The following ASIC2 variants were observed in gnomAD, a reference collection of about 807,000 sequenced individuals.
ASIC2 encodes acid-sensing ion channel 2.
Under a neutral mutation model 57.3 loss-of-function variants are expected in ASIC2, and 25 were observed. The observed-to-expected ratio is 0.44, with a 90% CI of 0.32 to 0.61. The LOEUF is 0.61. Ranked by LOEUF, ASIC2 falls within the 20% of genes least tolerant of loss-of-function variation. The probability of loss-of-function intolerance (pLI) is 0.06; values close to 1 mark genes in which losing one functional copy is unlikely to be tolerated. For synonymous variants in ASIC2, 319 were observed against 307.5 expected, an observed-to-expected ratio of 1.04 and a Z score of -0.39; for missense variants, 641 against 738.1, an observed-to-expected ratio of 0.87 and a Z score of 1.52.
intron 1 of ASIC2, among the ~76,000 whole-genome samples, chr17:33,282,224 C>T (rs1448412379): frequency 6.6e-6 from 1 of 152,140 alleles, no homozygotes; most frequent in Non-Finnish European, 1.5e-5. Flanking sequence ...AAACAACATA[C>T]ATTTATTACC....
At chr17:33,983,316 C>A (rs1389045794) in intron 1 of ASIC2, among the ~76,000 whole-genome samples, 1 of 152,140 alleles carries the variant, frequency 6.6e-6, no homozygotes, top group Non-Finnish European at 1.5e-5. Context: ...TATGTCTTGG[C>A]AAGCAGTGTC....
chr17:33,361,212 A>T (rs746266983), intron 1 of ASIC2, among the ~76,000 whole-genome samples: 16 of 152,242 alleles, frequency 1.1e-4, no homozygotes, highest in Non-Finnish European at 1.5e-4. Context: ...TCCCATTAAG[A>T]TGAACCATGA....
chr17:33,120,161 A>C (rs187565694), intron 1 of ASIC2, among the ~76,000 whole-genome samples: 1 of 152,208 alleles, frequency 6.6e-6, no homozygotes, highest in South Asian at 2.1e-4. Flanking sequence ...ATTTGAATGT[A>C]TGATATGGTA....
At chr17:33,930,975 G>A (rs1365218554) in intron 1 of ASIC2, among the ~76,000 whole-genome samples, 1 of 152,180 alleles carries the variant, frequency 6.6e-6, no homozygotes, top group Non-Finnish European at 1.5e-5. Context: ...CTGGAGTGCA[G>A]TGGCACGATC....
Position 33,953,489 on chromosome 17 carries a change from T to C in ASIC2, c.555+202489A>G, listed in dbSNP as rs149058855. 1.1e-4 allele frequency among the ~76,000 whole-genome samples: 17 copies of C among 152,254 alleles called. 1 individual carries two copies. In the East Asian group the frequency reaches 3.3e-3, roughly 29 times the overall value. On this transcript the variant is annotated intron_variant, in intron 1 of 9. Coordinates refer to the ASIC2 transcript ENST00000359872. ...GTAATATTTTCAGTAAAGTATTGAATATACATATCACAATAGACCAGATTC... is the reference window on the plus strand; with the variant it reads ...GTAATATTTTCAGTAAAGTATTGAACATACATATCACAATAGACCAGATTC...
chr17:33,328,580 C>T (rs1907173561), intron 1 of ASIC2, among the ~76,000 whole-genome samples: 1 of 152,138 alleles, frequency 6.6e-6, no homozygotes, highest in Non-Finnish European at 1.5e-5. Flanking sequence ...GAGACACAAC[C>T]TCTTCAGGGG....
intron 1 of ASIC2, among the ~76,000 whole-genome samples, chr17:33,174,006 G>A (rs2142051467): frequency 6.6e-6 from 1 of 152,286 alleles, no homozygotes; most frequent in Non-Finnish European, 1.5e-5. Flanking sequence ...TCAGAGGTCT[G>A]CTCTGAAGCC....
At chr17:33,908,726 A>G (rs1915400307) in intron 1 of ASIC2, among the ~76,000 whole-genome samples, 2 of 152,264 alleles carry the variant, frequency 1.3e-5, no homozygotes, top group African/African-American at 2.4e-5. Context: ...CACAGATTAA[A>G]TAACTGATCC....
intron 1 of ASIC2, among the ~76,000 whole-genome samples, chr17:33,997,778 T>A (rs1161484971): frequency 8.5e-6 from 1 of 117,416 alleles, no homozygotes; most frequent in African/African-American, 2.7e-5. Context: ...GGCTTGCTAA[T>A]TTTTTTTTTT....
chr17:33,843,814 A>G (rs1913505404), intron 1 of ASIC2, among the ~76,000 whole-genome samples: 1 of 152,240 alleles, frequency 6.6e-6, no homozygotes, highest in African/African-American at 2.4e-5. Context: ...AGGCAAGAAG[A>G]GGCAAAGCTT....
At position 33,830,605 on chromosome 17, in the gene ASIC2, G is replaced by A. The variant is rs1288668980; in HGVS notation, c.555+325373C>T. On this transcript the variant is annotated intron_variant, in intron 1 of 9. Transcript: ENST00000359872. ...ATATATATGCAGAAAGTGCAAGTTT[G>A]TTACATAGGTATACATGGGCCACGG... 2.0e-5 allele frequency among the ~76,000 whole-genome samples: 3 copies of A among 151,854 alleles called. 1 individual carries two copies. The highest frequency in any genetic ancestry group is 7.3e-5 in the African/African-American group (3 of 41,290).
chr17:34,059,430 C>G (rs1908888791), intron 1 of ASIC2, among the ~76,000 whole-genome samples: 1 of 152,194 alleles, frequency 6.6e-6, no homozygotes, highest in African/African-American at 2.4e-5. Context: ...TAAAACTCCA[C>G]AGGGAGAAGA....
intron 3 of ASIC2, among the ~76,000 whole-genome samples, chr17:33,087,558 A>G (rs147334206): frequency 4.8e-5 from 7 of 146,798 alleles, no homozygotes; most frequent in Non-Finnish European, 8.9e-5. Context: ...TAGCTCACGT[A>G]TAGATTTACA....
Position 33,698,535 on chromosome 17 carries a change from A to G in ASIC2, c.555+457443T>C, listed in dbSNP as rs541514793. 3.3e-5 allele frequency among the ~76,000 whole-genome samples: 5 copies of G among 152,316 alleles called. No individual in the cohort carries two copies. In the South Asian group the frequency reaches 1.0e-3, roughly 32 times the overall value. ...CACCCTGCCAGTAAGTGACCCCATGAAAATTAGAAAGCTATCAGTAAAAGC... is the reference window on the plus strand; with the variant it reads ...CACCCTGCCAGTAAGTGACCCCATGGAAATTAGAAAGCTATCAGTAAAAGC... On this transcript the variant is annotated intron_variant, in intron 1 of 9. Coordinates refer to the ASIC2 transcript ENST00000359872.
intron 2 of ASIC2, among the ~76,000 whole-genome samples, chr17:33,089,353 C>T (rs1241783994): frequency 6.6e-6 from 1 of 152,004 alleles, no homozygotes; most frequent in African/African-American, 2.4e-5. Flanking sequence ...AGCCATGAGC[C>T]CAGGGATGCA....
upstream of ASIC2, among the ~76,000 whole-genome samples, chr17:33,293,452 T>G (rs1597670182): frequency 3.6e-5 from 5 of 140,268 alleles, no homozygotes; most frequent in East Asian, 2.4e-4. Context: ...GGTGCGGGGG[T>G]GGGGTGTGGT....
At chr17:33,667,274 G>A (rs947226406) in intron 1 of ASIC2, among the ~76,000 whole-genome samples, 1 of 152,204 alleles carries the variant, frequency 6.6e-6, no homozygotes, top group Non-Finnish European at 1.5e-5. Context: ...GAGAGTGCAT[G>A]GTTAGGTGCT....
chr17:34,009,529 A>T (rs1015240724), intron 1 of ASIC2, among the ~76,000 whole-genome samples: 1 of 152,246 alleles, frequency 6.6e-6, no homozygotes, highest in African/African-American at 2.4e-5. Flanking sequence ...GTTAAATAAA[A>T]GACATTATAA....
chr17:33,408,993 C>A (rs561345473), intron 1 of ASIC2, among the ~76,000 whole-genome samples: 1 of 152,084 alleles, frequency 6.6e-6, no homozygotes, highest in Non-Finnish European at 1.5e-5. Context: ...GTGGGTGGAT[C>A]GTTTGAGCTC....
Sources: gnomAD v4.1 joint callset for allele counts (sites outside exome capture counted in the v4.1 genomes callset) on GRCh38, gnomAD v4.1.1 for gene constraint, MANE v1.5 for transcripts, NCBI Gene and HGNC (gene_info 2026-07-23, HGNC 2026-07-21) for gene names.